ITPR2: variants seen among roughly 807,000 people sequenced by gnomAD.
ITPR2 encodes inositol 1,4,5-trisphosphate receptor type 2, also known as inositol 1,4,5-trisphosphate-gated calcium channel ITPR2.
ITPR2 carries 207 observed loss-of-function variants against 317.1 expected under a neutral mutation model. The observed-to-expected ratio is 0.65, with a 90% CI of 0.58 to 0.73. The LOEUF is 0.73. Among genes scored for constraint, ITPR2 ranks in the 30% least tolerant of loss-of-function variants. ITPR2 has a pLI of 0.00. For synonymous variants in ITPR2, 1,156 were observed against 1,149.1 expected (o/e 1.01, Z -0.12); for missense variants, 2,613 against 3,284.0 (o/e 0.80, Z 4.99).
intron 55 of ITPR2, among the ~76,000 whole-genome samples, chr12:26,372,496 G>A (rs1939216462): frequency 6.6e-6 from 1 of 152,186 alleles, no homozygotes. Context: ...GGTACAGGGA[G>A]GTTAAATGCC....
chr12:26,550,486 CA>C, intron 36 of ITPR2, 131 bp from the exon 37 acceptor site: 1 of 582,356 alleles, frequency 1.7e-6, no homozygotes, highest in South Asian at 2.0e-5. Context: ...TACATGTTTT[CA>C]AAAGTTTTAA....
intron 35 of ITPR2, among the ~76,000 whole-genome samples, chr12:26,557,790 G>T (rs1450759521): frequency 6.6e-6 from 1 of 152,036 alleles, no homozygotes; most frequent in Non-Finnish European, 1.5e-5. Context: ...TGAACTGCAG[G>T]TAATCATAAT....
chr12:26,382,342 CA>C (rs1406905846), intron 55 of ITPR2, among the ~76,000 whole-genome samples: 2 of 152,130 alleles, frequency 1.3e-5, no homozygotes, highest in Non-Finnish European at 2.9e-5. Context: ...AATAATCAAA[CA>C]GTGGCTATTT....
At chr12:26,644,720 C>A (rs1193959663) in intron 21 of ITPR2, among the ~76,000 whole-genome samples, 1 of 152,108 alleles carries the variant, frequency 6.6e-6, no homozygotes, top group East Asian at 1.9e-4. Flanking sequence ...TCCCACCAGG[C>A]CCCTCCCATG....
intron 2 of ITPR2, among the ~76,000 whole-genome samples, chr12:26,783,839 A>C (rs1359272851): frequency 1.0e-5 from 1 of 97,542 alleles, no homozygotes; most frequent in African/African-American, 2.9e-5. Context: ...CATATTCTAT[A>C]AAATACCTAG....
At chr12:26,808,670 G>A (rs371493959) in intron 1 of ITPR2, among the ~76,000 whole-genome samples, 2 of 152,084 alleles carry the variant, frequency 1.3e-5, no homozygotes, top group East Asian at 1.9e-4. Flanking sequence ...AAAATCTTGC[G>A]GTTAGGCATA....
At chr12:26,600,303 C>G (rs1011984798) in intron 28 of ITPR2, among the ~76,000 whole-genome samples, 194 bp from the exon 29 acceptor site, 1 of 152,062 alleles carries the variant, frequency 6.6e-6, no homozygotes, top group African/African-American at 2.4e-5. Flanking sequence ...ATCTTTCTCA[C>G]CTTCTCTTGG....
At chr12:26,670,475 C>T (rs1947741614) in intron 13 of ITPR2, among the ~76,000 whole-genome samples, 1 of 152,200 alleles carries the variant, frequency 6.6e-6, no homozygotes, top group Non-Finnish European at 1.5e-5. Flanking sequence ...TCCAACAGAC[C>T]TGCAGCTGAG....
intron 55 of ITPR2, among the ~76,000 whole-genome samples, chr12:26,353,942 T>C (rs539887014): frequency 1.6e-4 from 25 of 152,210 alleles, no homozygotes; most frequent in African/African-American, 5.5e-4. Context: ...TTTAGCACCA[T>C]AACCAAATGC....
At chr12:26,632,132 C>A in intron 21 of ITPR2, 73 bp from the exon 22 acceptor site, 2 of 1,180,876 alleles carry the variant, frequency 1.7e-6, no homozygotes, top group South Asian at 3.8e-5. Context: ...CTCAGTTAGT[C>A]ACAACCACAC....
chr12:26,665,830 T>C, intron 14 of ITPR2, 80 bp downstream of exon 14: 1 of 1,236,102 alleles, frequency 8.1e-7, no homozygotes, highest in Admixed American at 2.2e-5. Flanking sequence ...TTCATAGTAA[T>C]AGATAACTAA....
At chr12:26,418,067 T>C (rs976248024) in intron 50 of ITPR2, among the ~76,000 whole-genome samples, 5 of 152,202 alleles carry the variant, frequency 3.3e-5, no homozygotes, top group South Asian at 2.1e-4. Context: ...TAAGTTTATA[T>C]GAAAACATAA....
chr12:26,780,239 C>A (rs1039436814), intron 2 of ITPR2, among the ~76,000 whole-genome samples: 6 of 152,214 alleles, frequency 3.9e-5, no homozygotes, highest in Admixed American at 2.0e-4. Flanking sequence ...GATATGGCAC[C>A]ATTCCTTGGG....
intron 37 of ITPR2, among the ~76,000 whole-genome samples, chr12:26,526,290 TGA>T (rs1372197548): frequency 1.3e-5 from 2 of 152,194 alleles, no homozygotes; most frequent in Non-Finnish European, 2.9e-5. Flanking sequence ...GCATTTGTGC[TGA>T]GAATGTGACA....
At chr12:26,643,526 C>T (rs566554050) in intron 21 of ITPR2, among the ~76,000 whole-genome samples, 1 of 152,236 alleles carries the variant, frequency 6.6e-6, no homozygotes, top group South Asian at 2.1e-4. Context: ...TTTGAATTCT[C>T]TAAGAGTATT....
At chr12:26,708,372 T>C (rs1948593091) in intron 9 of ITPR2, among the ~76,000 whole-genome samples, 1 of 152,084 alleles carries the variant, frequency 6.6e-6, no homozygotes, top group Non-Finnish European at 1.5e-5. Context: ...GATGAATGGA[T>C]AAAGAAAATG....
intron 32 of ITPR2, among the ~76,000 whole-genome samples, chr12:26,589,251 C>A (rs548819932): frequency 6.6e-6 from 1 of 151,936 alleles, no homozygotes; most frequent in Non-Finnish European, 1.5e-5. Flanking sequence ...CAATCTAGCA[C>A]CAGTTTATTA....
rs1244417265 is a variant in ITPR2, at chr12:26,389,814, T to C, written c.7697-2220A>G. On this transcript the variant is annotated intron_variant, in intron 54 of 56. Transcript: ENST00000381340. ...TCTCTAAGATAAAGAGGTAAAATGA[T>C]TGTGTAAGAAAAAGCCTGTCTGATA... Among the ~76,000 whole-genome samples the C allele has an allele frequency of 3.3e-5, 5 of 152,332 alleles. No homozygotes were observed. The East Asian group carries it at 7.7e-4, about 23-fold the overall frequency.
chr12:26,712,815 A>C (rs530954828), intron 8 of ITPR2, among the ~76,000 whole-genome samples: 1 of 152,252 alleles, frequency 6.6e-6, no homozygotes, highest in South Asian at 2.1e-4. Context: ...TTTGGAAGGG[A>C]GGGTGTTTTT....
Sources: allele counts gnomAD v4.1 joint callset (sites outside exome capture counted in the v4.1 genomes callset), GRCh38; gene constraint gnomAD v4.1.1; transcripts MANE v1.5; gene names NCBI Gene and HGNC (gene_info 2026-07-23, HGNC 2026-07-21).